Variants in MED27 observed in about 807,000 individuals in gnomAD.
The protein encoded by MED27 is mediator of RNA polymerase II transcription subunit 27.
Under a neutral mutation model 38.2 loss-of-function variants are expected in MED27, and 30 were observed. That is an observed-to-expected ratio of 0.79 (90% CI 0.59 to 1.07). The LOEUF is 1.07. MED27 is among the 50% of genes least tolerant of loss of function. The pLI is 0.00. For synonymous variants in MED27, 122 were observed against 153.5 expected, an observed-to-expected ratio of 0.79 and a Z score of 1.52; for missense variants, 289 against 397.5, an observed-to-expected ratio of 0.73 and a Z score of 2.32.
intron 2 of MED27, among the ~76,000 whole-genome samples, chr9:132,064,137 C>A (rs926632462): frequency 6.6e-6 from 1 of 152,086 alleles, no homozygotes; most frequent in East Asian, 1.9e-4. Context: ...GGGAAACATG[C>A]AGAATACCAA....
intron 3 of MED27, among the ~76,000 whole-genome samples, chr9:132,010,044 T>C (rs1253886127): frequency 6.6e-6 from 1 of 152,228 alleles, no homozygotes; most frequent in African/African-American, 2.4e-5. Context: ...GTAGTTTCTT[T>C]TGCTGTGCAG....
chr9:131,915,141 G>A (rs11243565), intron 4 of MED27, among the ~76,000 whole-genome samples: 20,643 of 151,920 alleles, frequency 0.14, 1,467 homozygotes, highest in South Asian at 0.18. Context: ...AGACAGAGAG[G>A]GGACAAGACC....
chr9:131,906,419 C>T (rs985215580), intron 4 of MED27, among the ~76,000 whole-genome samples: 2 of 150,454 alleles, frequency 1.3e-5, no homozygotes, highest in Non-Finnish European at 3.0e-5. Context: ...GAGGGCAGCA[C>T]CTGCAAAGGC....
chr9:132,041,317 C>T (rs115114182), intron 2 of MED27, among the ~76,000 whole-genome samples: 4,309 of 152,226 alleles, frequency 0.028, 198 homozygotes, highest in African/African-American at 0.093. Flanking sequence ...CACGCACACA[C>T]GACTAAAGAG....
intron 2 of MED27, among the ~76,000 whole-genome samples, chr9:132,026,427 T>C (rs1239162096): frequency 2.0e-5 from 3 of 152,216 alleles, no homozygotes; most frequent in Non-Finnish European, 4.4e-5. Flanking sequence ...CTGAAACACC[T>C]TTCCCAAGGC....
chr9:131,951,464 A>G (rs1173433534), intron 3 of MED27, among the ~76,000 whole-genome samples: 1 of 152,336 alleles, frequency 6.6e-6, no homozygotes, highest in East Asian at 1.9e-4. Context: ...TGAATCTTGC[A>G]CGTGGACTCC....
In MED27 at chr9:131,895,944, G is replaced by C. The variant is rs1394257381; in HGVS notation, c.574-1952C>G. Among the ~76,000 whole-genome samples the C allele has an allele frequency of 2.0e-5, 3 of 152,176 alleles. No homozygotes were observed. In the East Asian group the frequency reaches 5.8e-4, roughly 29 times the overall value. ...GGCGAAGTCTTGCTCTTTCACCCAGGCTGGAGTGCAGTGGTGTGATCTCGG... is the reference window on the plus strand; with the variant it reads ...GGCGAAGTCTTGCTCTTTCACCCAGCCTGGAGTGCAGTGGTGTGATCTCGG... On this transcript the variant is annotated intron_variant, in intron 4 of 7. Coordinates refer to ENST00000292035, the MANE Select transcript of MED27 (RefSeq NM_004269.4).
intron 2 of MED27, among the ~76,000 whole-genome samples, chr9:132,041,511 G>A (rs1285456423): frequency 2.6e-5 from 4 of 152,156 alleles, no homozygotes; most frequent in Non-Finnish European, 5.9e-5. Flanking sequence ...TCATGCTACC[G>A]ACTGCAGCGT....
chr9:131,982,775 T>G lies in MED27; in HGVS notation c.479+31562A>C, dbSNP rs1271495479. ...TTTCTGGCTACAGGATCTGCCGCAA[T>G]GCCTGACCTCTGTGCATCTCCAACT... On this transcript the variant is annotated intron_variant, in intron 3 of 7. Transcript: ENST00000292035. This position sits in a 1 kb window ranked among gnomAD's most constrained non-coding sequence, Gnocchi z 4.3. Among the ~76,000 whole-genome samples, 1 of 152,198 alleles carries G rather than the reference T, an allele frequency of 6.6e-6. No homozygotes were observed. Among genetic ancestry groups the G allele is most frequent in the Non-Finnish European group, 1.5e-5 (1 of 68,034 alleles).
rs66519112 is a variant in MED27 at position 131,986,999 on chromosome 9, A to ATTTTT, written c.479+27333_479+27337dup. Among the ~76,000 whole-genome samples, 79 of 46,254 alleles carry ATTTTT rather than the reference A, an allele frequency of 1.7e-3. 9 individuals are homozygous for ATTTTT. The highest frequency in any genetic ancestry group is 2.1e-3 in the Admixed American group (6 of 2,882). The allele number at this position is 46,254 out of a possible 152,430, so 30.3% of individuals were successfully genotyped here. ...CATGGGCCTTTCCTTGAGTTCATGGATTTTTTTTTTTTTTTTTTTTTTTTT... is the reference window on the plus strand; with the variant it reads ...CATGGGCCTTTCCTTGAGTTCATGGATTTTTTTTTTTTTTTTTTTTTTTTTTTTTT... On this transcript the variant is annotated intron_variant, in intron 3 of 7. Transcript: ENST00000292035.
At chr9:131,946,823 C>T (rs191995006) in intron 3 of MED27, among the ~76,000 whole-genome samples, 29 of 152,318 alleles carry the variant, frequency 1.9e-4, no homozygotes, top group Middle Eastern at 6.8e-3. Flanking sequence ...TTCATGCTTC[C>T]GTCTTTGAGT....
intron 2 of MED27, among the ~76,000 whole-genome samples, chr9:132,047,797 G>A (rs986504748): frequency 7.9e-5 from 12 of 152,014 alleles, no homozygotes; most frequent in African/African-American, 1.9e-4. Flanking sequence ...ATAAAAATTC[G>A]TAAGCTATAG....
chr9:131,907,917 C>G (rs982615742), intron 4 of MED27, among the ~76,000 whole-genome samples: 8 of 150,756 alleles, frequency 5.3e-5, no homozygotes, highest in Middle Eastern at 3.4e-3. Context: ...GCGACCCCGT[C>G]TGGAAGGTGA....
intron 2 of MED27, among the ~76,000 whole-genome samples, chr9:132,055,982 C>T (rs1302240928): frequency 1.3e-5 from 2 of 152,174 alleles, no homozygotes; most frequent in African/African-American, 4.8e-5. Flanking sequence ...ATTAATTCGC[C>T]CCCAGGACAG....
intron 3 of MED27, among the ~76,000 whole-genome samples, chr9:131,956,561 A>G (rs888040955): frequency 6.6e-6 from 1 of 151,276 alleles, no homozygotes; most frequent in Non-Finnish European, 1.5e-5. Flanking sequence ...AGTTGCAGTG[A>G]GCCGAGATCA....
At chr9:132,010,139 C>T (rs557657908) in intron 3 of MED27, among the ~76,000 whole-genome samples, 135 of 152,284 alleles carry the variant, frequency 8.9e-4, no homozygotes, top group African/African-American at 3.1e-3. Context: ...AAGTCCTTGC[C>T]CATGCCTATG....
intron 3 of MED27, among the ~76,000 whole-genome samples, chr9:131,944,680 C>G (rs773792394): frequency 1.3e-5 from 2 of 151,944 alleles, no homozygotes; most frequent in African/African-American, 4.8e-5. Flanking sequence ...TACAGGCACC[C>G]GCCACCATGC....
chr9:132,078,191 C>G (rs1292232875), intron 1 of MED27, among the ~76,000 whole-genome samples: 1 of 152,174 alleles, frequency 6.6e-6, no homozygotes, highest in Non-Finnish European at 1.5e-5. Context: ...AGCGAGCCAA[C>G]AAGAGCACAT....
chr9:131,960,603 T>C (rs1010891367), intron 3 of MED27, among the ~76,000 whole-genome samples: 4 of 152,130 alleles, frequency 2.6e-5, no homozygotes, highest in African/African-American at 9.7e-5. Flanking sequence ...TGTGTTAATA[T>C]AAAGGATTAC....
Sources: gnomAD v4.1 joint callset for allele counts (sites outside exome capture counted in the v4.1 genomes callset) on GRCh38, gnomAD v4.1.1 for gene constraint, Gnocchi (gnomAD v3.1) non-coding constraint, MANE v1.5 for transcripts, NCBI Gene and HGNC (gene_info 2026-07-23, HGNC 2026-07-21) for gene names.